FBLN2: variants seen among roughly 807,000 people sequenced by gnomAD.
FBLN2 encodes the protein fibulin 2.
In FBLN2, 81 loss-of-function variants were observed where a neutral mutation model predicts 123.7. The observed-to-expected ratio is 0.65, with a 90% CI of 0.55 to 0.79. FBLN2 has a LOEUF of 0.79. FBLN2 is among the 30% of genes least tolerant of loss of function. FBLN2 has a pLI of 0.00. For missense variants in FBLN2, 1,603 were observed against 1,681.3 expected (o/e 0.95, Z 0.81); for synonymous variants, 699 against 701.4 (o/e 1.00, Z 0.05).
Position 13,579,191 on chromosome 3 carries a change from T to C in FBLN2, c.1306+7530T>C, listed in dbSNP as rs530691583. ...CCATCCTAGTGTGTATGAAATAGCATCTCATCGTGGTTTAGATTGCAATTC... is the reference window on the plus strand; with the variant it reads ...CCATCCTAGTGTGTATGAAATAGCACCTCATCGTGGTTTAGATTGCAATTC... On this transcript the variant is annotated intron_variant, in intron 2 of 17. Coordinates refer to ENST00000404922, the MANE Select transcript of FBLN2 (RefSeq NM_001004019.2). Among the ~76,000 whole-genome samples the C allele has an allele frequency of 2.6e-5, 4 of 152,342 alleles. No individual in the cohort carries two copies. The South Asian group carries it at 8.3e-4, about 32-fold the overall frequency.
At position 13,637,346 on chromosome 3, in the gene FBLN2, C is replaced by T. The variant is rs1575006668; in HGVS notation, c.3339-216C>T. Among the ~76,000 whole-genome samples the T allele has an allele frequency of 2.6e-5, 4 of 152,246 alleles. No individual in the cohort carries two copies. In the East Asian group the frequency reaches 5.8e-4, roughly 22 times the overall value. ...AGCCTGGCCAGTGCCATGCTAAACT[C>T]ACCCATTCCAGTGAGCCGGTGAAGG... On this transcript the variant is annotated intron_variant, in intron 17 of 17. Transcript: ENST00000404922.
chr3:13,568,682 C>T (rs1319378805), intron 1 of FBLN2: 4 of 800,874 alleles, frequency 5.0e-6, no homozygotes, highest in Non-Finnish European at 6.0e-6. Flanking sequence ...AAGCCCTCCT[C>T]TTCCGCCGGA....
intron 2 of FBLN2, among the ~76,000 whole-genome samples, chr3:13,595,268 CA>C (rs1704804359): frequency 6.6e-6 from 1 of 152,150 alleles, no homozygotes; most frequent in African/African-American, 2.4e-5. Flanking sequence ...AGTGGGGATG[CA>C]GAAGCCGGTG....
intron 5 of FBLN2, among the ~76,000 whole-genome samples, chr3:13,615,440 A>T (rs1306770598): frequency 6.6e-6 from 1 of 152,254 alleles, no homozygotes; most frequent in Non-Finnish European, 1.5e-5. Context: ...TTAAAGCCAC[A>T]GATGAGGTCC....
At chr3:13,596,602 T>TC (rs1704847810) in intron 2 of FBLN2, among the ~76,000 whole-genome samples, 1 of 152,232 alleles carries the variant, frequency 6.6e-6, no homozygotes, top group Non-Finnish European at 1.5e-5. Context: ...GTTGTGCTCT[T>TC]CCAAGGCATA....
chr3:13,633,424 G>A (rs780121082), intron 16 of FBLN2, among the ~76,000 whole-genome samples: 2 of 152,280 alleles, frequency 1.3e-5, no homozygotes, highest in Non-Finnish European at 2.9e-5. Context: ...CACATCTGCC[G>A]CCCTCGCTTG....
At chr3:13,587,516 A>G (rs766374635) in intron 2 of FBLN2, among the ~76,000 whole-genome samples, 1 of 152,120 alleles carries the variant, frequency 6.6e-6, no homozygotes, top group Non-Finnish European at 1.5e-5. Context: ...GGCCCTGTAA[A>G]CCAAAAATAA....
chr3:13,617,137 T>TCCA (rs1459823553), intron 5 of FBLN2, among the ~76,000 whole-genome samples: 244 of 117,184 alleles, frequency 2.1e-3, no homozygotes, highest in African/African-American at 0.012. Context: ...TGCCCATCCA[T>TCCA]TCATCAATCC....
chr3:13,601,726 C>CA (rs1162191464), intron 2 of FBLN2, among the ~76,000 whole-genome samples: 3 of 152,196 alleles, frequency 2.0e-5, no homozygotes, highest in Non-Finnish European at 4.4e-5. Context: ...GCTGACATTG[C>CA]AAAGGAGGAA....
chr3:13,628,162 C>T (rs1292933246), intron 11 of FBLN2, among the ~76,000 whole-genome samples, 193 bp downstream of exon 11: 1 of 152,234 alleles, frequency 6.6e-6, no homozygotes, highest in African/African-American at 2.4e-5. Flanking sequence ...CAAAGTGTAG[C>T]TGCTCCTATT....
intron 2 of FBLN2, among the ~76,000 whole-genome samples, chr3:13,597,890 C>T (rs146524341): frequency 6.6e-6 from 1 of 152,220 alleles, no homozygotes; most frequent in Non-Finnish European, 1.5e-5. Context: ...TGGGCCATGT[C>T]ACTGCCAACC....
At chr3:13,570,171 G>A in intron 1 of FBLN2, 144 bp from the exon 2 acceptor site, 1 of 818,762 alleles carries the variant, frequency 1.2e-6, no homozygotes, top group Non-Finnish European at 1.8e-6. Flanking sequence ...GTGTGTGTGT[G>A]AGGCAGTGCT....
chr3:13,571,617 C>A lies in FBLN2; in HGVS notation c.1262C>A (p.Thr421Lys). 6.2e-7 allele frequency: 1 copy of A among 1,610,794 alleles called. No individual in the cohort carries two copies. ...VLPHSHVEED[T>K]DPNSVHSIPR... ...CCCCATTCCCACGTGGAGGAGGACA[C>A]AGACCCCAACTCTGTCCATTCTATC... The change falls in exon 2 of 18, where the codon ACA becomes AAA. Residue 421 changes from threonine to lysine, a missense_variant. Physicochemically the swap from Thr to Lys is moderately conservative, Grantham distance 78. Coordinates refer to ENST00000404922, the MANE Select transcript of FBLN2 (RefSeq NM_001004019.2).
rs530250122 is a variant in FBLN2 at position 13,571,471 on chromosome 3, C to G, written c.1116C>G (p.Ala372=). The G allele has an allele frequency of 5.2e-5, 84 of 1,613,236 alleles. No homozygotes were observed. Among genetic ancestry groups the G allele is most frequent in the South Asian group, 6.6e-5 (6 of 90,866 alleles). ...LGKAALVPTQ[A]VPGSPRDPVK... The stretch of plus-strand genomic sequence containing the variant: ...AGGCTGCTCTCGTCCCAACTCAGGC[C>G]GTGCCTGGCTCTCCCAGGGACCCAG... Residue 372 remains alanine (A), a synonymous_variant, in exon 2 of 18, where the codon GCC becomes GCG. Transcript: ENST00000404922.
intron 1 of FBLN2, among the ~76,000 whole-genome samples, chr3:13,555,780 C>T (rs1471525324): frequency 6.6e-6 from 1 of 152,196 alleles, no homozygotes; most frequent in Non-Finnish European, 1.5e-5. Flanking sequence ...GAATGGTTGG[C>T]AAGCGTCTGA....
intron 2 of FBLN2, among the ~76,000 whole-genome samples, chr3:13,598,002 G>A (rs1018402011): frequency 6.6e-6 from 1 of 152,238 alleles, no homozygotes; most frequent in Non-Finnish European, 1.5e-5. Context: ...GGCAGGTGGG[G>A]AAGGCATTGC....
At chr3:13,595,640 C>A (rs529199373) in intron 2 of FBLN2, among the ~76,000 whole-genome samples, 1 of 152,252 alleles carries the variant, frequency 6.6e-6, no homozygotes, top group Admixed American at 6.5e-5. Context: ...AGGGGCCTGG[C>A]GGAGATGGCC....
intron 3 of FBLN2, among the ~76,000 whole-genome samples, chr3:13,609,116 G>A (rs1475129412): frequency 2.0e-5 from 3 of 152,206 alleles, no homozygotes; most frequent in Non-Finnish European, 2.9e-5. Context: ...TGATTTGTCA[G>A]CCACCTCTGC....
intron 1 of FBLN2, among the ~76,000 whole-genome samples, chr3:13,567,924 C>T (rs756934589): frequency 4.3e-4 from 66 of 152,326 alleles, no homozygotes; most frequent in Middle Eastern, 3.4e-3. Context: ...CACAACTGTG[C>T]TCTAGCCTGG....
Sources: allele counts gnomAD v4.1 joint callset (sites outside exome capture counted in the v4.1 genomes callset), GRCh38; gene constraint gnomAD v4.1.1; transcripts MANE v1.5; gene names NCBI Gene and HGNC (gene_info 2026-07-23, HGNC 2026-07-21).